Variants in ESR1 observed in about 807,000 individuals in gnomAD.
ESR1 encodes estrogen receptor 1.
In ESR1, 12 loss-of-function variants were observed where a neutral mutation model predicts 52.7. That is an observed-to-expected ratio of 0.23 (90% CI 0.15 to 0.37). The LOEUF is 0.37. Among genes scored for constraint, ESR1 ranks in the 10% least tolerant of loss-of-function variants. The pLI is 1.00. For missense variants in ESR1, 584 were observed against 779.7 expected (o/e 0.75, Z 2.99); for synonymous variants, 305 against 316.8 (o/e 0.96, Z 0.39).
intron 2 of ESR1, among the ~76,000 whole-genome samples, chr6:151,707,891 T>A (rs1165842801): frequency 2.0e-5 from 3 of 152,176 alleles, no homozygotes; most frequent in Non-Finnish European, 4.4e-5. Flanking sequence ...ATAGGTAATT[T>A]CCACTAATTT....
At chr6:151,985,711 A>T (rs2040423749) in intron 4 of ESR1, among the ~76,000 whole-genome samples, 2 of 152,046 alleles carry the variant, frequency 1.3e-5, no homozygotes, top group African/African-American at 4.8e-5. Flanking sequence ...GCTGTCCCCC[A>T]GGCTGGAGTG....
intron 1 of ESR1, among the ~76,000 whole-genome samples, chr6:151,666,954 G>C (rs1777849505): frequency 6.6e-6 from 1 of 152,164 alleles, no homozygotes. Flanking sequence ...AGGAGAAAGG[G>C]AAGGCAGGAG....
intron 3 of ESR1, among the ~76,000 whole-genome samples, chr6:151,888,361 T>C (rs6907787): frequency 0.029 from 4,458 of 152,268 alleles, 207 homozygotes; most frequent in African/African-American, 0.1. Context: ...CTATAGCTTT[T>C]AGCATACAAT....
chr6:151,877,208 CCACT>C (rs1037834100), intron 2 of ESR1, among the ~76,000 whole-genome samples: 7 of 151,814 alleles, frequency 4.6e-5, no homozygotes, highest in Non-Finnish European at 8.8e-5. Context: ...TGAGCTGCAC[CCACT>C]AACTCGTCAT....
chr6:151,964,938 G>A lies in ESR1; in HGVS notation c.1096+20430G>A, dbSNP rs376988742. Among the ~76,000 whole-genome samples the A allele has an allele frequency of 4.2e-4, 64 of 152,196 alleles. No individual in the cohort carries two copies. In the East Asian group the frequency reaches 8.9e-3, roughly 21 times the overall value. Reference sequence around the variant, plus strand: ...ATTACAGGCATGAGCCACCGCGCCCGGCCCCTATTTTCTTAATCACGCGAT... The same window carrying A: ...ATTACAGGCATGAGCCACCGCGCCCAGCCCCTATTTTCTTAATCACGCGAT... On this transcript the variant is annotated intron_variant, in intron 4 of 7. Coordinates refer to ENST00000206249, the MANE Select transcript of ESR1 (RefSeq NM_000125.4).
chr6:151,990,005 A>G (rs759617122), intron 4 of ESR1, among the ~76,000 whole-genome samples: 1 of 152,072 alleles, frequency 6.6e-6, no homozygotes, highest in Non-Finnish European at 1.5e-5. Flanking sequence ...TAGGCTTCCA[A>G]TGTTTTCATG....
At chr6:151,789,642 A>G (rs76180871) in intron 2 of ESR1, among the ~76,000 whole-genome samples, 1,557 of 152,322 alleles carry the variant, frequency 0.01, 20 homozygotes, top group African/African-American at 0.034. Flanking sequence ...GAGGAAACGT[A>G]AAACAAATCT....
intron 1 of ESR1, among the ~76,000 whole-genome samples, chr6:151,696,518 ATAAG>A (rs1388943016): frequency 1.5e-5 from 2 of 129,598 alleles, no homozygotes; most frequent in Admixed American, 8.0e-5. Context: ...AAATAAATAA[ATAAG>A]TAGTGCCTCG....
chr6:151,944,919 T>C (rs895695221), intron 4 of ESR1, among the ~76,000 whole-genome samples: 1 of 152,202 alleles, frequency 6.6e-6, no homozygotes, highest in African/African-American at 2.4e-5. Flanking sequence ...GATTTTATCT[T>C]AAAAAGATTT....
intron 4 of ESR1, among the ~76,000 whole-genome samples, chr6:151,946,581 C>T (rs1177021216): frequency 6.6e-6 from 1 of 152,178 alleles, no homozygotes; most frequent in Admixed American, 6.5e-5. Context: ...CACTCTGTAA[C>T]TTCATCATGT....
intron 1 of ESR1, among the ~76,000 whole-genome samples, chr6:151,674,922 CTA>C (rs1314626683): frequency 3.3e-5 from 5 of 152,094 alleles, no homozygotes; most frequent in South Asian, 2.1e-4. Context: ...TTGAGAAATG[CTA>C]TGTTTTCAAA....
intron 4 of ESR1, among the ~76,000 whole-genome samples, chr6:151,954,675 T>C (rs1178708275): frequency 6.6e-6 from 1 of 152,240 alleles, no homozygotes; most frequent in East Asian, 1.9e-4. Context: ...GAAATGCATA[T>C]TTTCAAACTA....
At chr6:152,034,289 AAAAATAAAT>A (rs1472445880) in intron 5 of ESR1, among the ~76,000 whole-genome samples, 1 of 46,554 alleles carries the variant, frequency 2.1e-5, no homozygotes, top group Non-Finnish European at 4.1e-5. Context: ...AAAGTACAAT[AAAAATAAAT>A]AAATAAATAA....
intron 2 of ESR1, among the ~76,000 whole-genome samples, chr6:151,745,147 A>G (rs1316664910): frequency 6.6e-6 from 1 of 152,212 alleles, no homozygotes; most frequent in African/African-American, 2.4e-5. Flanking sequence ...TAGTTTCTAT[A>G]AAATAGTTCA....
intron 6 of ESR1, among the ~76,000 whole-genome samples, chr6:152,092,394 T>G (rs1040725105): frequency 6.6e-6 from 1 of 152,222 alleles, no homozygotes; most frequent in Non-Finnish European, 1.5e-5. Flanking sequence ...CATTTTCCAT[T>G]CTGGGCAGTT....
At position 151,676,241 on chromosome 6, in the gene ESR1, T is replaced by C. The variant is rs115599597; in HGVS notation, n.73+19478T>C. Among the ~76,000 whole-genome samples, 851 of 152,246 alleles carry C rather than the reference T, an allele frequency of 5.6e-3. 13 individuals are homozygous for C. The highest frequency in any genetic ancestry group is 0.02 in the African/African-American group (813 of 41,540). Reference sequence around the variant, plus strand: ...CCCTTCCAGTACCTTCCCAACTCGGTGAGCCAGGTCCATACTTGGTTCTGT... The same window carrying C: ...CCCTTCCAGTACCTTCCCAACTCGGCGAGCCAGGTCCATACTTGGTTCTGT... On this transcript the variant is annotated intron_variant and non_coding_transcript_variant, in intron 1 of 2. Coordinates refer to the ESR1 transcript ENST00000473497.
chr6:151,963,883 T>A (rs2037951372), intron 4 of ESR1, among the ~76,000 whole-genome samples: 1 of 152,222 alleles, frequency 6.6e-6, no homozygotes, highest in Non-Finnish European at 1.5e-5. Flanking sequence ...CATTTTTTTA[T>A]ATGTGGATAT....
chr6:151,660,900 A>C (rs1357102090), intron 1 of ESR1, among the ~76,000 whole-genome samples: 1 of 152,210 alleles, frequency 6.6e-6, no homozygotes, highest in East Asian at 1.9e-4. Flanking sequence ...TTTAAAATAT[A>C]TGCTGATGCT....
At chr6:151,907,785 C>T (rs988411235) in intron 3 of ESR1, among the ~76,000 whole-genome samples, 8 of 152,146 alleles carry the variant, frequency 5.3e-5, no homozygotes, top group East Asian at 1.9e-4. Flanking sequence ...TCATGACTTT[C>T]GCCATATATT....
Sources: allele counts gnomAD v4.1 joint callset (sites outside exome capture counted in the v4.1 genomes callset), GRCh38; gene constraint gnomAD v4.1.1; transcripts MANE v1.5; gene names NCBI Gene and HGNC (gene_info 2026-07-23, HGNC 2026-07-21).